The following NELL1 variants were observed in gnomAD, a reference collection of about 807,000 sequenced individuals.
NELL1 encodes the protein neural EGFL like 1.
NELL1 carries 76 observed loss-of-function variants against 107.4 expected under a neutral mutation model. That is an observed-to-expected ratio of 0.71 (90% CI 0.59 to 0.86). The LOEUF (loss-of-function observed/expected upper bound fraction) is 0.86, where lower values mean the gene tolerates loss of function less well. NELL1 is among the 40% of genes least tolerant of loss of function. The probability of loss-of-function intolerance (pLI) is 0.00; values close to 1 mark genes in which losing one functional copy is unlikely to be tolerated. For synonymous variants in NELL1, 353 were observed against 341.2 expected (o/e 1.03, Z -0.38); for missense variants, 1,024 against 1,005.5 (o/e 1.02, Z -0.25).
chr11:20,749,672 G>A (rs969269439), intron 2 of NELL1, among the ~76,000 whole-genome samples: 1 of 151,992 alleles, frequency 6.6e-6, no homozygotes, highest in African/African-American at 2.4e-5. Context: ...GATATTAACT[G>A]TTATTGATGA....
intron 13 of NELL1, among the ~76,000 whole-genome samples, chr11:21,151,101 T>G (rs1179822523): frequency 6.6e-6 from 1 of 152,080 alleles, no homozygotes; most frequent in Admixed American, 6.6e-5. Flanking sequence ...AGACTGAAGA[T>G]CATAATTTGA....
At chr11:20,757,091 C>A (rs1444021420) in intron 2 of NELL1, among the ~76,000 whole-genome samples, 2 of 152,038 alleles carry the variant, frequency 1.3e-5, no homozygotes, top group East Asian at 1.9e-4. Flanking sequence ...TCTCTCCCAA[C>A]TTTTTTTCTC....
chr11:21,527,899 A>T (rs1172956930), intron 15 of NELL1, among the ~76,000 whole-genome samples: 1 of 152,174 alleles, frequency 6.6e-6, no homozygotes, highest in African/African-American at 2.4e-5. Flanking sequence ...CTGGAAGCTG[A>T]TTAGATGGTG....
At chr11:20,725,481 C>G (rs188318391) in intron 2 of NELL1, among the ~76,000 whole-genome samples, 1 of 152,274 alleles carries the variant, frequency 6.6e-6, no homozygotes, top group African/African-American at 2.4e-5. Context: ...CAGCAATCTG[C>G]TGGATCACCG....
intron 2 of NELL1, among the ~76,000 whole-genome samples, chr11:20,691,944 T>C (rs2133867484): frequency 6.6e-6 from 1 of 152,282 alleles, no homozygotes; most frequent in African/African-American, 2.4e-5. Flanking sequence ...AGGTATTGAT[T>C]ATTGCCACAA....
intron 2 of NELL1, among the ~76,000 whole-genome samples, chr11:20,691,703 T>C (rs1228834890): frequency 6.6e-6 from 1 of 151,840 alleles, no homozygotes; most frequent in Admixed American, 6.6e-5. Context: ...TTATTGAGGA[T>C]TTTTGCATCA....
At chr11:21,337,847 T>TGC (rs1325875880) in intron 14 of NELL1, among the ~76,000 whole-genome samples, 4 of 148,648 alleles carry the variant, frequency 2.7e-5, no homozygotes, top group African/African-American at 1.0e-4. Context: ...TTTTCTTTCT[T>TGC]TCTTTCTTTC....
At chr11:21,221,749 G>T (rs75831515) in intron 13 of NELL1, among the ~76,000 whole-genome samples, 2,508 of 152,220 alleles carry the variant, frequency 0.016, 62 homozygotes, top group African/African-American at 0.055. Context: ...GTGGAGTGAA[G>T]TGGCATGATC....
chr11:21,184,661 A>G (rs1408351845), intron 13 of NELL1, among the ~76,000 whole-genome samples: 1 of 151,964 alleles, frequency 6.6e-6, no homozygotes, highest in African/African-American at 2.4e-5. Context: ...AGCCCATACT[A>G]TAAAAGAATA....
chr11:20,877,685 GACA>G lies in NELL1; in HGVS notation c.507-7757_507-7755del, dbSNP rs1234024901. ...AGCCCTTGATTCAATGATTGACTTT[GACA>G]AGGAGTGTGGCAGTTACTCTTTGCC... On this transcript the variant is annotated intron_variant, in intron 4 of 19. Coordinates refer to ENST00000357134, the MANE Select transcript of NELL1 (RefSeq NM_006157.5). Among the ~76,000 whole-genome samples the G allele has an allele frequency of 4.6e-5, 7 of 152,320 alleles. No individual in the cohort carries two copies. The East Asian group carries it at 1.4e-3, about 29-fold the overall frequency.
At chr11:21,088,538 A>G (rs1033904068) in intron 12 of NELL1, among the ~76,000 whole-genome samples, 9 of 152,190 alleles carry the variant, frequency 5.9e-5, no homozygotes, top group African/African-American at 2.2e-4. Context: ...TAAGTCAGAC[A>G]AATTCAACAG....
intron 12 of NELL1, among the ~76,000 whole-genome samples, chr11:21,090,889 G>A (rs1373050719): frequency 6.6e-6 from 1 of 152,170 alleles, no homozygotes; most frequent in African/African-American, 2.4e-5. Context: ...AAAGAGCCTG[G>A]AGTGTCAAAA....
intron 2 of NELL1, among the ~76,000 whole-genome samples, chr11:20,697,685 C>G (rs1854660587): frequency 6.6e-6 from 1 of 152,044 alleles, no homozygotes; most frequent in Non-Finnish European, 1.5e-5. Context: ...CACCCTAATT[C>G]AGAATAAAAG....
chr11:21,342,653 A>T (rs552927977), intron 14 of NELL1, among the ~76,000 whole-genome samples: 13 of 138,738 alleles, frequency 9.4e-5, no homozygotes, highest in South Asian at 4.9e-4. Context: ...AAAAAAAAAA[A>T]AAAAAGAAAA....
intron 3 of NELL1, among the ~76,000 whole-genome samples, chr11:20,820,286 C>T (rs1857721930): frequency 6.6e-6 from 1 of 152,098 alleles, no homozygotes; most frequent in Non-Finnish European, 1.5e-5. Flanking sequence ...GGCAGACAGT[C>T]CTGTATGCTC....
chr11:20,749,763 T>A (rs1337328310), intron 2 of NELL1, among the ~76,000 whole-genome samples: 1 of 152,158 alleles, frequency 6.6e-6, no homozygotes, highest in Non-Finnish European at 1.5e-5. Flanking sequence ...ACACTTCATC[T>A]ACCCCCCACT....
intron 14 of NELL1, among the ~76,000 whole-genome samples, chr11:21,354,573 G>T (rs2133726014): frequency 6.6e-6 from 1 of 152,220 alleles, no homozygotes; most frequent in South Asian, 2.1e-4. Flanking sequence ...CCCAACTCCA[G>T]AATGCAGATA....
intron 15 of NELL1, among the ~76,000 whole-genome samples, chr11:21,498,051 A>T (rs1237297042): frequency 1.3e-5 from 2 of 151,960 alleles, no homozygotes; most frequent in Non-Finnish European, 2.9e-5. Flanking sequence ...ATGAAATAAT[A>T]CAGCCAGGCA....
intron 13 of NELL1, among the ~76,000 whole-genome samples, chr11:21,133,703 G>A (rs1855677309): frequency 1.3e-5 from 2 of 151,344 alleles, no homozygotes; most frequent in African/African-American, 2.4e-5. Flanking sequence ...GGGAGCAGGG[G>A]TGGTGTGGGG....
Sources: allele counts gnomAD v4.1 joint callset (sites outside exome capture counted in the v4.1 genomes callset), GRCh38; gene constraint gnomAD v4.1.1; transcripts MANE v1.5; gene names NCBI Gene and HGNC (gene_info 2026-07-23, HGNC 2026-07-21).